Variants in PLS1 observed in about 807,000 individuals in gnomAD.
The protein encoded by PLS1 is plastin 1.
A neutral mutation model predicts 73.7 loss-of-function variants in PLS1; 32 were observed. The ratio of observed to expected loss-of-function variants is 0.43; its 90% confidence interval spans 0.33 to 0.58. The LOEUF is 0.58. PLS1 is among the 20% of genes least tolerant of loss of function. The pLI is 0.04. For missense variants in PLS1, 633 were observed against 740.5 expected, an observed-to-expected ratio of 0.85 and a Z score of 1.68; for synonymous variants, 217 against 261.3, an observed-to-expected ratio of 0.83 and a Z score of 1.63.
chr3:142,699,868 T>C (rs1268808385), intron 12 of PLS1, among the ~76,000 whole-genome samples: 1 of 152,208 alleles, frequency 6.6e-6, no homozygotes, highest in African/African-American at 2.4e-5. Flanking sequence ...TACTCGTATG[T>C]TTCAGCATTT....
chr3:142,638,969 G>A (rs1483572109), intron 1 of PLS1, among the ~76,000 whole-genome samples: 2 of 152,036 alleles, frequency 1.3e-5, no homozygotes, highest in African/African-American at 2.4e-5. Flanking sequence ...TCCAACTCCC[G>A]ACCTCAGGTG....
chr3:142,639,706 A>G (rs1394630306), intron 1 of PLS1, among the ~76,000 whole-genome samples: 1 of 152,238 alleles, frequency 6.6e-6, no homozygotes, highest in African/African-American at 2.4e-5. Context: ...TGGAATCTCT[A>G]GACCAGAAAT....
At chr3:142,694,611 G>C in intron 11 of PLS1, 64 bp downstream of exon 11, 1 of 926,732 alleles carries the variant, frequency 1.1e-6, no homozygotes, top group South Asian at 1.5e-5. Context: ...TCAAACTGTA[G>C]GCATGTTTAA....
chr3:142,635,921 G>T (rs1381903797), intron 1 of PLS1, among the ~76,000 whole-genome samples: 1 of 152,076 alleles, frequency 6.6e-6, no homozygotes, highest in Non-Finnish European at 1.5e-5. Flanking sequence ...ACAGGGTTTT[G>T]TTCTGGTGCC....
At chr3:142,677,789 AATT>A (rs1042940280) in intron 5 of PLS1, among the ~76,000 whole-genome samples, 16 of 152,118 alleles carry the variant, frequency 1.1e-4, no homozygotes, top group African/African-American at 3.6e-4. Flanking sequence ...TAGTTTAATT[AATT>A]ATTATTATTA....
At chr3:142,664,685 A>T (rs1274552786) in intron 2 of PLS1, among the ~76,000 whole-genome samples, 2 of 152,228 alleles carry the variant, frequency 1.3e-5, no homozygotes, top group Non-Finnish European at 2.9e-5. Flanking sequence ...TTCTGACTTC[A>T]TGCAGAATAT....
At chr3:142,616,223 G>T (rs1201813457) in intron 1 of PLS1, among the ~76,000 whole-genome samples, 1 of 152,192 alleles carries the variant, frequency 6.6e-6, no homozygotes, top group Non-Finnish European at 1.5e-5. Flanking sequence ...TAGTCTGGAA[G>T]ATGATAGTTT....
intron 1 of PLS1, among the ~76,000 whole-genome samples, chr3:142,620,235 C>T (rs750885871): frequency 5.3e-5 from 8 of 151,988 alleles, no homozygotes; most frequent in Non-Finnish European, 7.4e-5. Flanking sequence ...AGTGATTCTT[C>T]TGCCTCAGCC....
chr3:142,606,959 A>G (rs765447719), intron 1 of PLS1, among the ~76,000 whole-genome samples: 8 of 152,178 alleles, frequency 5.3e-5, no homozygotes, highest in African/African-American at 9.7e-5. Flanking sequence ...GCATATACCT[A>G]GAAGTGGAAT....
At chr3:142,614,955 A>G (rs562327016) in intron 1 of PLS1, among the ~76,000 whole-genome samples, 1 of 152,280 alleles carries the variant, frequency 6.6e-6, no homozygotes, top group Admixed American at 6.5e-5. Context: ...AAGCCTGGCT[A>G]TACTACGGGT....
intron 14 of PLS1, 64 bp from the exon 15 acceptor site, chr3:142,711,437 T>A (rs1008578138): frequency 8.0e-7 from 1 of 1,248,314 alleles, no homozygotes. Context: ...ATCAGAAGAG[T>A]CTGAAAATAA....
At chr3:142,597,463 T>G (rs74447691) in intron 1 of PLS1, 9,609 of 152,002 alleles carry the variant, frequency 0.063, 701 homozygotes, top group African/African-American at 0.18. Context: ...TATATATATA[T>G]AGAGAGAGAG....
intron 12 of PLS1, among the ~76,000 whole-genome samples, chr3:142,699,022 G>A (rs1412587334): frequency 2.0e-5 from 3 of 152,138 alleles, no homozygotes; most frequent in Non-Finnish European, 4.4e-5. Context: ...AACACTGCAT[G>A]TTCTCACTCA....
At position 142,713,366 on chromosome 3, in the gene PLS1, TG is replaced by T. The variant is rs1933222870; in HGVS notation, c.*1361del. On this transcript the variant is annotated 3_prime_UTR_variant, in exon 16 of 16. Transcript: ENST00000457734. Reference sequence around the variant, plus strand: ...CTACCATTGATTTAAATATATATATTGGTAAGAGAGACTGCCCATGTGTTTA... The same window carrying T: ...CTACCATTGATTTAAATATATATATTGTAAGAGAGACTGCCCATGTGTTTA... 6.6e-6 allele frequency: 1 copy of T among 152,574 alleles called. No homozygotes were observed. Among genetic ancestry groups the T allele is most frequent in the South Asian group, 2.1e-4 (1 of 4,828 alleles). The allele number at this position is 152,574 out of a possible 1,614,324, so 9.5% of individuals were successfully genotyped here.
At chr3:142,675,689 T>A (rs1264933623) in intron 4 of PLS1, among the ~76,000 whole-genome samples, 1 of 151,928 alleles carries the variant, frequency 6.6e-6, no homozygotes, top group Non-Finnish European at 1.5e-5. Context: ...TCCCCGTTTT[T>A]TTTTTTGAAA....
chr3:142,635,340 C>T (rs181795605), intron 1 of PLS1, among the ~76,000 whole-genome samples: 2 of 150,920 alleles, frequency 1.3e-5, no homozygotes, highest in South Asian at 2.1e-4. Flanking sequence ...TTAACCTTAT[C>T]GATAATCACA....
chr3:142,600,916 A>ATATATATTTTTTT (rs1560024585), intron 1 of PLS1, among the ~76,000 whole-genome samples: 1 of 14,844 alleles, frequency 6.7e-5, no homozygotes. Context: ...ATATATATAT[A>ATATATATTTTTTT]TTTTTTTTTT....
chr3:142,604,935 C>CAAAAAAAAAAAA (rs35003218), intron 1 of PLS1, among the ~76,000 whole-genome samples: 1 of 124,452 alleles, frequency 8.0e-6, no homozygotes, highest in Non-Finnish European at 1.8e-5. Flanking sequence ...GACTCCGTCT[C>CAAAAAAAAAAAA]AAAAAAAAAA....
chr3:142,700,450 G>A (rs1275258294), intron 12 of PLS1, among the ~76,000 whole-genome samples: 1 of 152,056 alleles, frequency 6.6e-6, no homozygotes, highest in Non-Finnish European at 1.5e-5. Flanking sequence ...AGCCTCCTAA[G>A]TAGCTGGGAC....
Sources: gnomAD v4.1 joint callset for allele counts (sites outside exome capture counted in the v4.1 genomes callset) on GRCh38, gnomAD v4.1.1 for gene constraint, MANE v1.5 for transcripts, NCBI Gene and HGNC (gene_info 2026-07-23, HGNC 2026-07-21) for gene names.